The following ATXN2 variants were observed in gnomAD, a reference collection of about 807,000 sequenced individuals.
The protein encoded by ATXN2 is ataxin-2.
Under a neutral mutation model 138.6 loss-of-function variants are expected in ATXN2, and 37 were observed. That is an observed-to-expected ratio of 0.27 (90% CI 0.21 to 0.35). The LOEUF is 0.35. Ranked by LOEUF, ATXN2 falls within the 10% of genes least tolerant of loss-of-function variation. The pLI is 1.00. For synonymous variants in ATXN2, 549 were observed against 543.7 expected (o/e 1.01, Z -0.13); for missense variants, 1,216 against 1,480.3 (o/e 0.82, Z 2.93).
chr12:111,519,406 T>C (rs925122905), intron 8 of ATXN2, among the ~76,000 whole-genome samples: 3 of 152,164 alleles, frequency 2.0e-5, no homozygotes, highest in Non-Finnish European at 4.4e-5. Context: ...GTACATGGCT[T>C]TTCATCAGGT....
At chr12:111,567,724 G>C (rs1001027680) in intron 1 of ATXN2, among the ~76,000 whole-genome samples, 1 of 151,492 alleles carries the variant, frequency 6.6e-6, no homozygotes, top group Admixed American at 6.6e-5. Context: ...TGACACAAGA[G>C]AATCGCTTCA....
At position 111,453,457 on chromosome 12, in the gene ATXN2, C is replaced by A; in HGVS notation, c.3439+220G>T. 1.6e-6 allele frequency: 2 copies of A among 1,279,406 alleles called. No homozygotes were observed. Among genetic ancestry groups the A allele is most frequent in the South Asian group, 2.6e-5 (1 of 39,110 alleles). The allele number at this position is 1,279,406 out of a possible 1,614,324, so 79.3% of individuals were successfully genotyped here. On this transcript the variant is annotated intron_variant, in intron 24 of 24. Transcript: ENST00000673436. The surrounding 1 kb of genome is among the most constrained non-coding windows in gnomAD (Gnocchi z 5.4). ...GCTGCTGCTGCTGCTTCTCATCAAG[C>A]CAAATCCTGTATACCATCAGAACAC...
At chr12:111,592,782 C>CAAAAAAAAAAAAAAAAAAAAAAAAAAA (rs71083183) in intron 1 of ATXN2, among the ~76,000 whole-genome samples, 7 of 26,024 alleles carry the variant, frequency 2.7e-4, no homozygotes, top group Non-Finnish European at 3.3e-4. Flanking sequence ...GACTCCGTCT[C>CAAAAAAAAAAAAAAAAAAAAAAAAAAA]AAAAAAAAAA....
At position 111,522,727 on chromosome 12, in the gene ATXN2, A is replaced by G. The variant is rs955819484; in HGVS notation, c.697-1754T>C. Among the ~76,000 whole-genome samples, 7 of 151,966 alleles carry G rather than the reference A, an allele frequency of 4.6e-5. No individual in the cohort carries two copies. In the South Asian group the frequency reaches 1.5e-3, roughly 32 times the overall value. On this transcript the variant is annotated intron_variant, in intron 6 of 24. Coordinates refer to ENST00000673436, the MANE Select transcript of ATXN2 (RefSeq NM_001372574.1). ...TAGGAGTTCGGGACCAGCCTGGCCA[A>G]CATGTTGAAACCCTGTCTCTACTAA...
chr12:111,511,964 T>C (rs907721951), intron 11 of ATXN2: 4 of 152,090 alleles, frequency 2.6e-5, no homozygotes, highest in Non-Finnish European at 5.9e-5. Context: ...AGCTTGAAGA[T>C]CTTGTTTCTT....
intron 1 of ATXN2, among the ~76,000 whole-genome samples, chr12:111,592,764 C>G (rs1463818976): frequency 2.0e-5 from 1 of 50,914 alleles, no homozygotes; most frequent in Admixed American, 2.9e-4. Context: ...GCCTGGGCGA[C>G]AGAGCAAGAC....
In ATXN2 at chr12:111,576,137, T is replaced by TAACATAACATAA. The variant is rs1346812599; in HGVS notation, c.252-20219_252-20218insTTATGTTATGTT. ...TAACATAACATAACATAACATAACATCACACCAAACCAAACCAATAGTCTG... is the reference window on the plus strand; with the variant it reads ...TAACATAACATAACATAACATAACATAACATAACATAACACACCAAACCAAACCAATAGTCTG... On this transcript the variant is annotated intron_variant, in intron 1 of 24. Coordinates refer to ENST00000673436, the MANE Select transcript of ATXN2 (RefSeq NM_001372574.1). 9.6e-4 allele frequency among the ~76,000 whole-genome samples: 87 copies of TAACATAACATAA among 90,746 alleles called. 2 individuals carry two copies. In the Admixed American group the frequency reaches 9.8e-3, roughly 10 times the overall value. 59.5% of individuals were successfully genotyped at this position (90,746 alleles called of 152,430 possible).
chr12:111,536,018 A>G (rs1307635216), intron 5 of ATXN2, among the ~76,000 whole-genome samples: 1 of 151,066 alleles, frequency 6.6e-6, no homozygotes, highest in African/African-American at 2.4e-5. Context: ...AAAAAAAAAC[A>G]TTGGGAAATA....
chr12:111,586,542 C>T (rs1046573393), intron 1 of ATXN2, among the ~76,000 whole-genome samples: 14 of 152,054 alleles, frequency 9.2e-5, no homozygotes, highest in African/African-American at 3.4e-4. Context: ...CACATCACCA[C>T]GCCCATTTAA....
Position 111,599,133 on chromosome 12 carries a change from C to T in ATXN2, c.-99G>A. The T allele has an allele frequency of 8.2e-7, 1 of 1,222,198 alleles. No individual in the cohort carries two copies. Among genetic ancestry groups the T allele is most frequent in the Non-Finnish European group, 1.0e-6 (1 of 982,362 alleles). 75.7% of individuals were successfully genotyped at this position (1,222,198 alleles called of 1,614,324 possible). On this transcript the variant is annotated 5_prime_UTR_variant, in exon 1 of 25. Transcript: ENST00000673436. ...GAACGCGGCGGGGACGCGCGGGCGCCGAGCGGGGAGGCGCGGGTTGGCGCG... is the reference window on the plus strand; with the variant it reads ...GAACGCGGCGGGGACGCGCGGGCGCTGAGCGGGGAGGCGCGGGTTGGCGCG...
rs1878893978 is a variant in ATXN2, at chr12:111,503,235, T to C, written c.1935+6314A>G. ...GAGCATGTCATGAAGTTAGCTCTAA[T>C]GAATCACTGACTGACAGTGCAGCAT... is the stretch of plus-strand genomic sequence containing the variant. On this transcript the variant is annotated intron_variant, in intron 14 of 24. Transcript: ENST00000673436. Among the ~76,000 whole-genome samples the C allele has an allele frequency of 3.3e-5, 5 of 152,246 alleles. No homozygotes were observed. The South Asian group carries it at 1.0e-3, about 31-fold the overall frequency.
chr12:111,485,255 T>G lies in ATXN2; in HGVS notation c.2524+10A>C. 6.2e-7 allele frequency: 1 copy of G among 1,607,104 alleles called. No homozygotes were observed. On this transcript the variant is annotated intron_variant, in intron 18 of 24. Transcript: ENST00000673436. Reference sequence around the variant, plus strand: ...AAACTACAAGCAAACACAGGCAGGATTATTCTCACCTTTACCTGCTCTATA... The same window carrying G: ...AAACTACAAGCAAACACAGGCAGGAGTATTCTCACCTTTACCTGCTCTATA...
chr12:111,566,127 T>C (rs28823331), intron 1 of ATXN2, among the ~76,000 whole-genome samples: 15,319 of 152,138 alleles, frequency 0.1, 2,577 homozygotes, highest in African/African-American at 0.35. Flanking sequence ...TTTTGACGTT[T>C]AAGCCATTTT....
chr12:111,461,985 G>C (rs1338420982), intron 21 of ATXN2, among the ~76,000 whole-genome samples: 2 of 151,836 alleles, frequency 1.3e-5, no homozygotes, highest in Non-Finnish European at 2.9e-5. Flanking sequence ...AGGAGAATCA[G>C]GGAAAAGGAG....
intron 18 of ATXN2, chr12:111,479,035 A>G: frequency 2.8e-6 from 1 of 362,118 alleles, no homozygotes; most frequent in Non-Finnish European, 4.9e-6. Context: ...TAAAAAATAA[A>G]ATAAATTTTT....
chr12:111,455,112 C>T, intron 23 of ATXN2: 1 of 703,024 alleles, frequency 1.4e-6, no homozygotes, highest in Non-Finnish European at 2.6e-6. Context: ...CAGAGCCTCA[C>T]TGGCGCACTA....
At chr12:111,497,124 A>T (rs745679367) in intron 14 of ATXN2, among the ~76,000 whole-genome samples, 1 of 152,172 alleles carries the variant, frequency 6.6e-6, no homozygotes, top group Non-Finnish European at 1.5e-5. Context: ...AAATGGATAA[A>T]TTCCTAGACA....
At chr12:111,523,519 T>A in intron 6 of ATXN2, among the ~76,000 whole-genome samples, 1 of 150,382 alleles carries the variant, frequency 6.6e-6, no homozygotes, top group African/African-American at 2.5e-5. Flanking sequence ...AGGTCAGGAG[T>A]TCAAGACCAG....
Position 111,597,894 on chromosome 12 carries a change from C to A in ATXN2, c.251+890G>T, listed in dbSNP as rs922550955. ...GCCACCCCGGATCTCCAGGGTCCAG[C>A]CTGGGTCCAGCCCTCACCCACCGAT... On this transcript the variant is annotated intron_variant, in intron 1 of 24. Coordinates refer to ENST00000673436, the MANE Select transcript of ATXN2 (RefSeq NM_001372574.1). 2.3e-6 allele frequency: 3 copies of A among 1,287,070 alleles called. No homozygotes were observed. The African/African-American group carries it at 4.6e-5, about 20-fold the overall frequency. The allele number at this position is 1,287,070 out of a possible 1,614,324, so 79.7% of individuals were successfully genotyped here.
Sources: gnomAD v4.1 joint callset for allele counts (sites outside exome capture counted in the v4.1 genomes callset) on GRCh38, gnomAD v4.1.1 for gene constraint, Gnocchi (gnomAD v3.1) non-coding constraint, MANE v1.5 for transcripts, NCBI Gene and HGNC (gene_info 2026-07-23, HGNC 2026-07-21) for gene names.